HERC1: variants seen among roughly 807,000 people sequenced by gnomAD.
The protein encoded by HERC1 is HECT and RLD domain containing E3 ubiquitin protein ligase family member 1.
In HERC1, 160 loss-of-function variants were observed where a neutral mutation model predicts 554.3. That is an observed-to-expected ratio of 0.29 (90% CI 0.25 to 0.33). HERC1 has a LOEUF of 0.33. Among genes scored for constraint, HERC1 ranks in the 10% least tolerant of loss-of-function variants. The probability of loss-of-function intolerance (pLI) is 1.00; values close to 1 mark genes in which losing one functional copy is unlikely to be tolerated. For missense variants in HERC1, 4,919 were observed against 5,918.5 expected (o/e 0.83, Z 5.54); for synonymous variants, 2,175 against 2,131.7 (o/e 1.02, Z -0.56).
In HERC1 at chr15:63,677,597, T is replaced by C. The variant is rs2071273444; in HGVS notation, c.7070+248A>G. On this transcript the variant is annotated intron_variant, in intron 37 of 77. Coordinates refer to ENST00000443617, the MANE Select transcript of HERC1 (RefSeq NM_003922.4). The surrounding 1 kb of genome is among the most constrained non-coding windows in gnomAD (Gnocchi z 4.4). ...AACATATAAACTAAGGAGCTTACCA[T>C]TTTTTCCCCAAAACAAAACAGAACA... Among the ~76,000 whole-genome samples the C allele has an allele frequency of 6.6e-6, 1 of 152,170 alleles. No individual in the cohort carries two copies. The highest frequency in any genetic ancestry group is 2.1e-4 in the South Asian group (1 of 4,834).
chr15:63,788,659 G>A (rs1567128455), intron 1 of HERC1, among the ~76,000 whole-genome samples: 1 of 152,152 alleles, frequency 6.6e-6, no homozygotes, highest in Admixed American at 6.5e-5. Context: ...GCTCATGCCT[G>A]CAATCCCAGC....
chr15:63,793,709 G>C (rs112134914), intron 1 of HERC1, among the ~76,000 whole-genome samples: 9,063 of 152,156 alleles, frequency 0.06, 311 homozygotes, highest in Non-Finnish European at 0.073. Flanking sequence ...TCTTGCGCAA[G>C]ATCCAAGAAC....
chr15:63,713,199 A>C (rs961586171), intron 23 of HERC1, among the ~76,000 whole-genome samples, 154 bp downstream of exon 23: 1 of 152,222 alleles, frequency 6.6e-6, no homozygotes, highest in African/African-American at 2.4e-5. Flanking sequence ...ATCAGTATTT[A>C]CTTTACTTTA....
At chr15:63,735,074 T>C (rs2074441505) in intron 12 of HERC1, among the ~76,000 whole-genome samples, 1 of 152,174 alleles carries the variant, frequency 6.6e-6, no homozygotes, top group African/African-American at 2.4e-5. Flanking sequence ...AAATATTTAG[T>C]GTTGATTCTA....
At chr15:63,802,179 A>G (rs1238902715) in intron 1 of HERC1, among the ~76,000 whole-genome samples, 1 of 152,222 alleles carries the variant, frequency 6.6e-6, no homozygotes, top group African/African-American at 2.4e-5. Context: ...ATGTACTTCT[A>G]GAAGGCTTCA....
At position 63,622,901 on chromosome 15, in the gene HERC1, A is replaced by G. The variant is rs2068147055; in HGVS notation, c.13612-10T>C. ...TACCAGTTTCAAGTTCCTGCAGAAG[A>G]AAGAAAAAAATTTTTTGAGAAATGA... is the stretch of plus-strand genomic sequence containing the variant. On this transcript the variant is annotated splice_polypyrimidine_tract_variant and intron_variant, in intron 73 of 77. Transcript: ENST00000443617. The G allele has an allele frequency of 2.5e-6, 4 of 1,575,374 alleles. No homozygotes were observed. The highest frequency in any genetic ancestry group is 3.4e-6 in the Non-Finnish European group (4 of 1,163,494).
chr15:63,822,762 G>A (rs2077749108), intron 1 of HERC1, among the ~76,000 whole-genome samples: 1 of 152,118 alleles, frequency 6.6e-6, no homozygotes, highest in Non-Finnish European at 1.5e-5. Context: ...TACCCACACA[G>A]GAGATGGTGG....
intron 1 of HERC1, among the ~76,000 whole-genome samples, chr15:63,824,726 A>G (rs1417030286): frequency 6.6e-6 from 1 of 152,044 alleles, no homozygotes; most frequent in East Asian, 1.9e-4. Context: ...CTATAAAGAA[A>G]TTGTGATACA....
chr15:63,746,014 GTTCT>G lies in HERC1; in HGVS notation c.2520+900_2520+903del, dbSNP rs149914693. Among the ~76,000 whole-genome samples the G allele has an allele frequency of 4.7e-3, 719 of 151,766 alleles. 9 individuals are homozygous for G. The highest frequency in any genetic ancestry group is 0.017 in the African/African-American group (689 of 41,396). On this transcript the variant is annotated intron_variant, in intron 12 of 77. Coordinates refer to ENST00000443617, the MANE Select transcript of HERC1 (RefSeq NM_003922.4). ...CCTGGATCTCCTCAATTGTTTTTCT[GTTCT>G]TTATTTTTTTAATTTCACTCTAATC...
intron 67 of HERC1, 123 bp from the exon 68 acceptor site, chr15:63,632,934 G>A (rs944823040): frequency 1.4e-5 from 9 of 658,216 alleles, no homozygotes; most frequent in Admixed American, 5.5e-5. Flanking sequence ...TTACCTGTTC[G>A]ACCCAAATCC....
intron 50 of HERC1, among the ~76,000 whole-genome samples, chr15:63,654,704 A>G (rs997552012): frequency 2.6e-4 from 39 of 151,022 alleles, no homozygotes; most frequent in Non-Finnish European, 1.0e-4. Flanking sequence ...AAATACAAAA[A>G]AAAAAAAAAT....
chr15:63,821,947 CA>C (rs1467386075), intron 1 of HERC1, among the ~76,000 whole-genome samples: 2 of 151,930 alleles, frequency 1.3e-5, no homozygotes, highest in African/African-American at 4.8e-5. Flanking sequence ...TTTCAGGAAG[CA>C]TAAGTGCCAT....
intron 60 of HERC1, among the ~76,000 whole-genome samples, 196 bp downstream of exon 60, chr15:63,641,274 G>C (rs549814269): frequency 6.6e-6 from 1 of 152,156 alleles, no homozygotes; most frequent in Non-Finnish European, 1.5e-5. Context: ...TTTTACTCTG[G>C]TGAAAATAAA....
Position 63,756,823 on chromosome 15 carries a change from A to T in HERC1, c.1222-75T>A. 1 of 890,476 alleles carries T rather than the reference A, an allele frequency of 1.1e-6. No individual in the cohort carries two copies. The highest frequency in any genetic ancestry group is 1.8e-5 in the South Asian group (1 of 54,348). The allele number at this position is 890,476 out of a possible 1,614,324, so 55.2% of individuals were successfully genotyped here. A position where few individuals can be genotyped will look rare whatever the true frequency, so the allele number is the denominator to read the frequency against. Reference sequence around the variant, plus strand: ...ATAATATTTAAGGCTGGTTTTATCAAAGAGCCTCAAAGGAAGTCTTTTAGC... The same window carrying T: ...ATAATATTTAAGGCTGGTTTTATCATAGAGCCTCAAAGGAAGTCTTTTAGC... On this transcript the variant is annotated intron_variant, in intron 4 of 77. Transcript: ENST00000443617. The surrounding 1 kb of genome is among the most constrained non-coding windows in gnomAD (Gnocchi z 5.0).
intron 12 of HERC1, among the ~76,000 whole-genome samples, chr15:63,744,164 G>GTGTGTGTGTGTCTCTCTCTCTCTC: frequency 2.4e-4 from 11 of 46,310 alleles, no homozygotes; most frequent in East Asian, 2.0e-3. Flanking sequence ...GTGTGTGTGT[G>GTGTGTGTGTGTCTCTCTCTCTCTC]TCTCTCTCTC....
Position 63,612,170 on chromosome 15 carries a change from A to G in HERC1, c.14400+81T>C. On this transcript the variant is annotated intron_variant, in intron 77 of 77. Transcript: ENST00000443617. The surrounding 1 kb of genome is among the most constrained non-coding windows in gnomAD (Gnocchi z 5.0). ...GCCACTGCACTCCAGCCTGGGCCAC[A>G]GAGTGAGACCCTGTCTCAACAAAAA... 1 of 1,274,212 alleles carries G rather than the reference A, an allele frequency of 7.8e-7. No homozygotes were observed. The highest frequency in any genetic ancestry group is 1.1e-6 in the Non-Finnish European group (1 of 926,226). 78.9% of individuals were successfully genotyped at this position (1,274,212 alleles called of 1,614,324 possible).
Position 63,729,258 on chromosome 15 carries a change from G to A in HERC1, c.3132C>T (p.Gly1044=). The change falls in exon 16 of 78, where the codon GGC becomes GGT. Residue 1044 remains glycine (G), a synonymous_variant. Coordinates refer to ENST00000443617, the MANE Select transcript of HERC1 (RefSeq NM_003922.4). ...ANLLKESPWN[G]SVGEKLRDVI... is the part of the protein sequence containing the mutation. ...CACCTCTTAATTTTTCTCCAACACT[G>A]CCATTCCAAGGACTTTCTTTGAGCA... is the stretch of plus-strand genomic sequence containing the variant. The A allele has an allele frequency of 1.2e-6, 2 of 1,604,028 alleles. No homozygotes were observed. Among genetic ancestry groups the A allele is most frequent in the South Asian group, 1.1e-5 (1 of 88,400 alleles).
At chr15:63,708,307 T>C (rs991176925) in intron 24 of HERC1, among the ~76,000 whole-genome samples, 2 of 152,194 alleles carry the variant, frequency 1.3e-5, no homozygotes, top group Non-Finnish European at 2.9e-5. Context: ...CACTGTGAAT[T>C]ATGTAACTCA....
chr15:63,629,637 C>T (rs2068459754), intron 69 of HERC1, among the ~76,000 whole-genome samples: 2 of 152,102 alleles, frequency 1.3e-5, no homozygotes. Flanking sequence ...CCCAAAGGTG[C>T]CTTCAACATT....
Sources: gnomAD v4.1 joint callset for allele counts (sites outside exome capture counted in the v4.1 genomes callset) on GRCh38, gnomAD v4.1.1 for gene constraint, Gnocchi (gnomAD v3.1) non-coding constraint, MANE v1.5 for transcripts, NCBI Gene and HGNC (gene_info 2026-07-23, HGNC 2026-07-21) for gene names.